Variants in SNX5 observed in about 807,000 individuals in gnomAD.
The protein encoded by SNX5 is sorting nexin-5.
In SNX5, 31 loss-of-function variants were observed where a neutral mutation model predicts 53.9. The ratio of observed to expected loss-of-function variants is 0.58; its 90% confidence interval spans 0.43 to 0.78. SNX5 has a LOEUF of 0.78. SNX5 is among the 30% of genes least tolerant of loss of function. SNX5 has a pLI of 0.00. For synonymous variants in SNX5, 168 were observed against 171.1 expected, an observed-to-expected ratio of 0.98 and a Z score of 0.14; for missense variants, 471 against 478.8, an observed-to-expected ratio of 0.98 and a Z score of 0.15.
At chr20:17,947,746 T>TAC in intron 10 of SNX5, 101 bp from the exon 11 acceptor site, 1 of 942,456 alleles carries the variant, frequency 1.1e-6, no homozygotes, top group Non-Finnish European at 1.5e-6. Context: ...GGCAATAATC[T>TAC]ACCTCTACAC....
chr20:17,966,843 A>G (rs1450959602), intron 1 of SNX5, among the ~76,000 whole-genome samples: 1 of 152,236 alleles, frequency 6.6e-6, no homozygotes, highest in East Asian at 1.9e-4. Flanking sequence ...ACTCCCTTTC[A>G]GTTAACCATA....
chr20:17,951,350 A>G (rs982402914), intron 6 of SNX5, 150 bp downstream of exon 6: 6 of 611,744 alleles, frequency 9.8e-6, no homozygotes, highest in South Asian at 4.2e-5. Flanking sequence ...TGAAAATTGA[A>G]TAAGTAGATG....
intron 10 of SNX5, among the ~76,000 whole-genome samples, chr20:17,948,664 G>A (rs998454922): frequency 1.4e-4 from 21 of 152,122 alleles, no homozygotes; most frequent in African/African-American, 4.8e-4. Flanking sequence ...TGCATGTTAT[G>A]TCCCACATCA....
chr20:17,944,102 C>T (rs1026480596), intron 11 of SNX5: 1 of 152,284 alleles, frequency 6.6e-6, no homozygotes, highest in Non-Finnish European at 1.5e-5. Flanking sequence ...GAAAGACAAA[C>T]ATTACATGAT....
At chr20:17,965,122 C>T (rs1389409910) in intron 1 of SNX5, among the ~76,000 whole-genome samples, 2 of 152,216 alleles carry the variant, frequency 1.3e-5, no homozygotes, top group Non-Finnish European at 2.9e-5. Context: ...TTCTGTAACA[C>T]AACCTGACCC....
intron 8 of SNX5, among the ~76,000 whole-genome samples, chr20:17,949,779 A>G (rs2039538408): frequency 6.6e-6 from 1 of 152,176 alleles, no homozygotes; most frequent in Non-Finnish European, 1.5e-5. Context: ...AAAAAAAAAG[A>G]AGGTCTAGGG....
chr20:17,961,212 G>C lies in SNX5; in HGVS notation c.52-4175C>G, dbSNP rs539923232. 53 of 985,376 alleles carry C rather than the reference G, an allele frequency of 5.4e-5. No homozygotes were observed. In the South Asian group the frequency reaches 1.8e-3, roughly 33 times the overall value. 61.0% of individuals were successfully genotyped at this position (985,376 alleles called of 1,614,324 possible). On this transcript the variant is annotated intron_variant, in intron 1 of 12. Coordinates refer to ENST00000377759, the MANE Select transcript of SNX5 (RefSeq NM_014426.4). ...ACAACCCTGCAGCTGTTGAGCTCCT[G>C]CCCACCAGTCTTCATAAACTCACTT...
chr20:17,943,240 A>G lies in SNX5; in HGVS notation c.1079-45T>C, dbSNP rs778269001. On this transcript the variant is annotated intron_variant, in intron 11 of 12. Coordinates refer to ENST00000377759, the MANE Select transcript of SNX5 (RefSeq NM_014426.4). ...TTATGAAACCAAGAAAAACTAAACA[A>G]TTTTCATGTTCACTTTAACTACCAA... 1.3e-5 allele frequency: 16 copies of G among 1,265,784 alleles called. 1 individual carries two copies. The highest frequency in any genetic ancestry group is 4.9e-5 in the South Asian group (4 of 81,946). 78.4% of individuals were successfully genotyped at this position (1,265,784 alleles called of 1,614,324 possible). A position where few individuals can be genotyped will look rare whatever the true frequency, so the allele number is the denominator to read the frequency against.
rs192708166 is a variant in SNX5, at chr20:17,943,341, C to G, written c.1079-146G>C. 7.0e-4 allele frequency: 455 copies of G among 653,402 alleles called. 4 individuals are homozygous for G. The highest frequency in any genetic ancestry group is 6.9e-3 in the South Asian group (387 of 56,286). 40.5% of individuals were successfully genotyped at this position (653,402 alleles called of 1,614,324 possible). ...CCTCACATTTGTATTATCTCTGTGA[C>G]TGGGACACATCAGACATCTATTAAC... On this transcript the variant is annotated intron_variant, in intron 11 of 12. Transcript: ENST00000377759.
chr20:17,959,570 C>G (rs1046224605), intron 1 of SNX5, among the ~76,000 whole-genome samples: 1 of 152,160 alleles, frequency 6.6e-6, no homozygotes, highest in Non-Finnish European at 1.5e-5. Flanking sequence ...GCAAATAATG[C>G]AATGTTGTAT....
intron 1 of SNX5, among the ~76,000 whole-genome samples, chr20:17,963,435 G>A (rs747956462): frequency 2.6e-5 from 4 of 152,102 alleles, no homozygotes; most frequent in African/African-American, 4.8e-5. Context: ...CACTGAACTC[G>A]AGCCTGGGAG....
chr20:17,952,817 T>C (rs1022990616), intron 4 of SNX5, 107 bp from the exon 5 acceptor site: 5 of 1,320,190 alleles, frequency 3.8e-6, no homozygotes, highest in Non-Finnish European at 5.1e-6. Context: ...CATAAAACAC[T>C]GCAACTGGAC....
chr20:17,946,966 G>C (rs914592645), intron 11 of SNX5, among the ~76,000 whole-genome samples: 14 of 152,144 alleles, frequency 9.2e-5, no homozygotes, highest in Non-Finnish European at 1.6e-4. Context: ...TAAACATGAG[G>C]AAACCTACCA....
chr20:17,968,202 G>A (rs1052981196), intron 1 of SNX5, 173 bp downstream of exon 1: 74 of 428,174 alleles, frequency 1.7e-4, no homozygotes, highest in Admixed American at 4.4e-5. Context: ...GGATTCCCCG[G>A]GGCAGCCTTC....
chr20:17,943,472 G>GCAGCCTCA, intron 11 of SNX5: 1 of 388,720 alleles, frequency 2.6e-6, no homozygotes, highest in South Asian at 2.6e-5. Flanking sequence ...ACGTTGATGA[G>GCAGCCTCA]CAGCCTCACT....
chr20:17,955,128 G>A (rs1276462263), intron 3 of SNX5, among the ~76,000 whole-genome samples: 3 of 152,080 alleles, frequency 2.0e-5, no homozygotes, highest in Non-Finnish European at 4.4e-5. Context: ...TAAGACTAAA[G>A]TCATTACACT....
chr20:17,960,556 T>C (rs1280223565), intron 1 of SNX5, among the ~76,000 whole-genome samples: 1 of 151,904 alleles, frequency 6.6e-6, no homozygotes, highest in Non-Finnish European at 1.5e-5. Flanking sequence ...ATCACGCGAC[T>C]GCACTCCAGC....
At chr20:17,966,522 G>T (rs544142831) in intron 1 of SNX5, among the ~76,000 whole-genome samples, 1 of 152,266 alleles carries the variant, frequency 6.6e-6, no homozygotes, top group Non-Finnish European at 1.5e-5. Context: ...GTAACAAAAT[G>T]CCAGTGTCTG....
At chr20:17,953,349 TAAGA>T (rs1454849940) in intron 4 of SNX5, among the ~76,000 whole-genome samples, 1 of 152,206 alleles carries the variant, frequency 6.6e-6, no homozygotes, top group East Asian at 1.9e-4. Flanking sequence ...GATGGATTCA[TAAGA>T]AACTTTCCAA....
Sources: gnomAD v4.1 joint callset for allele counts (sites outside exome capture counted in the v4.1 genomes callset) on GRCh38, gnomAD v4.1.1 for gene constraint, MANE v1.5 for transcripts, NCBI Gene and HGNC (gene_info 2026-07-23, HGNC 2026-07-21) for gene names.